The following GTF2F2 variants were observed in gnomAD, a reference collection of about 807,000 sequenced individuals.
GTF2F2 encodes general transcription factor IIF subunit 2, also known as ATP-dependent helicase GTF2F2.
In GTF2F2, 23 loss-of-function variants were observed where a neutral mutation model predicts 42.2. The observed-to-expected ratio is 0.55, with a 90% confidence interval of 0.39 to 0.77. The LOEUF is 0.77. GTF2F2 is among the 30% of genes least tolerant of loss of function. The pLI, the probability that GTF2F2 is intolerant of heterozygous loss-of-function variation, is 0.00. For synonymous variants in GTF2F2, 105 were observed against 100.8 expected, an observed-to-expected ratio of 1.04 and a Z score of -0.25; for missense variants, 261 against 287.2, an observed-to-expected ratio of 0.91 and a Z score of 0.66.
At position 45,220,349 on chromosome 13, in the gene GTF2F2, A is replaced by G. The variant is rs75086508; in HGVS notation, c.386+12844A>G. Among the ~76,000 whole-genome samples, 230 of 152,346 alleles carry G rather than the reference A, an allele frequency of 1.5e-3. 7 individuals are homozygous for G. The East Asian group carries it at 0.039, about 26-fold the overall frequency. On this transcript the variant is annotated intron_variant, in intron 5 of 7. Coordinates refer to ENST00000340473, the MANE Select transcript of GTF2F2 (RefSeq NM_004128.3). Reference sequence around the variant, plus strand: ...AGTGTATACTAAGCAGTGTAACATTAAAAAGCAACCAGATCTTATGTTTCT... The same window carrying G: ...AGTGTATACTAAGCAGTGTAACATTGAAAAGCAACCAGATCTTATGTTTCT...
chr13:45,249,379 T>TA (rs5803289), intron 5 of GTF2F2, among the ~76,000 whole-genome samples: 45,651 of 151,154 alleles, frequency 0.3, 9,118 homozygotes, highest in African/African-American at 0.56. Context: ...AGTTTATTTT[T>TA]AAAAAAAAAA....
chr13:45,187,496 GAGA>G (rs1451981739), intron 4 of GTF2F2, among the ~76,000 whole-genome samples: 6 of 152,176 alleles, frequency 3.9e-5, no homozygotes, highest in South Asian at 2.1e-4. Flanking sequence ...TATTTTTTAA[GAGA>G]AGAAGTAGAA....
chr13:45,247,389 T>C (rs1266872557), intron 5 of GTF2F2, among the ~76,000 whole-genome samples: 1 of 151,446 alleles, frequency 6.6e-6, no homozygotes, highest in South Asian at 2.1e-4. Context: ...AGATACCTGG[T>C]TTTTTTGTTT....
At chr13:45,223,056 C>T (rs974708869) in intron 5 of GTF2F2, among the ~76,000 whole-genome samples, 3 of 151,982 alleles carry the variant, frequency 2.0e-5, no homozygotes, top group Admixed American at 1.3e-4. Context: ...GACTTCATCT[C>T]TATAAAAACC....
Position 45,248,153 on chromosome 13 carries a change from A to T in GTF2F2, c.387-4718A>T, listed in dbSNP as rs534184954. On this transcript the variant is annotated intron_variant, in intron 5 of 7. Coordinates refer to ENST00000340473, the MANE Select transcript of GTF2F2 (RefSeq NM_004128.3). Reference sequence around the variant, plus strand: ...CCACCGTGCCTGGCCTGATTTTTTTAAATAAATGGAGTTTTATTTCATTAG... The same window carrying T: ...CCACCGTGCCTGGCCTGATTTTTTTTAATAAATGGAGTTTTATTTCATTAG... Among the ~76,000 whole-genome samples, 7 of 152,274 alleles carry T rather than the reference A, an allele frequency of 4.6e-5. No homozygotes were observed. The South Asian group carries it at 6.2e-4, about 14-fold the overall frequency.
chr13:45,273,934 A>G (rs534006511), intron 7 of GTF2F2, among the ~76,000 whole-genome samples: 28 of 152,300 alleles, frequency 1.8e-4, no homozygotes, highest in Admixed American at 4.6e-4. Context: ...TCCCTCGGGA[A>G]AGAAATAATT....
At chr13:45,145,616 C>T (rs1870152565) in intron 2 of GTF2F2, among the ~76,000 whole-genome samples, 1 of 152,240 alleles carries the variant, frequency 6.6e-6, no homozygotes. Context: ...TAAAATACCA[C>T]ATACTTTGTT....
intron 7 of GTF2F2, among the ~76,000 whole-genome samples, chr13:45,271,664 G>T (rs535794453): frequency 6.6e-6 from 1 of 152,032 alleles, no homozygotes; most frequent in Admixed American, 6.6e-5. Context: ...AAATTCTCCT[G>T]CCTCAGCCCC....
At chr13:45,202,301 C>T (rs1328897307) in intron 4 of GTF2F2, among the ~76,000 whole-genome samples, 4 of 152,132 alleles carry the variant, frequency 2.6e-5, no homozygotes, top group Non-Finnish European at 5.9e-5. Context: ...GCAGGAGAAT[C>T]GCTTGAACCC....
intron 4 of GTF2F2, among the ~76,000 whole-genome samples, chr13:45,155,585 T>C (rs990682591): frequency 2.0e-4 from 30 of 152,232 alleles, no homozygotes; most frequent in African/African-American, 6.8e-4. Flanking sequence ...AATGATTAAG[T>C]TATACAGTGT....
chr13:45,197,239 G>A (rs1022232622), intron 4 of GTF2F2, among the ~76,000 whole-genome samples: 1 of 151,454 alleles, frequency 6.6e-6, no homozygotes, highest in South Asian at 2.1e-4. Flanking sequence ...GCTTATGCCT[G>A]TAATCCCAGC....
intron 4 of GTF2F2, among the ~76,000 whole-genome samples, chr13:45,158,561 A>T (rs1870879863): frequency 6.6e-6 from 1 of 152,126 alleles, no homozygotes; most frequent in South Asian, 2.1e-4. Context: ...TTTCCTGCAC[A>T]GTGACCTCTG....
intron 4 of GTF2F2, among the ~76,000 whole-genome samples, chr13:45,191,224 A>AAAAAAAAAAAAT: frequency 4.0e-5 from 3 of 75,346 alleles, no homozygotes; most frequent in African/African-American, 1.0e-4. Flanking sequence ...ACAAAAAAAA[A>AAAAAAAAAAAAT]ATATATATAT....
At chr13:45,155,484 G>A (rs1259754710) in intron 4 of GTF2F2, among the ~76,000 whole-genome samples, 2 of 152,102 alleles carry the variant, frequency 1.3e-5, no homozygotes, top group Non-Finnish European at 1.5e-5. Context: ...TGATTTTGCT[G>A]GTTTTTGAGA....
At chr13:45,169,732 G>A (rs572953122) in intron 4 of GTF2F2, among the ~76,000 whole-genome samples, 1 of 152,186 alleles carries the variant, frequency 6.6e-6, no homozygotes, top group African/African-American at 2.4e-5. Flanking sequence ...CCACCACTCA[G>A]GTAACAAAAG....
At chr13:45,273,066 C>T (rs1192803124) in intron 7 of GTF2F2, among the ~76,000 whole-genome samples, 1 of 151,208 alleles carries the variant, frequency 6.6e-6, no homozygotes, top group East Asian at 2.0e-4. Flanking sequence ...GCTGGAATTA[C>T]GGGCGCCCGC....
intron 4 of GTF2F2, among the ~76,000 whole-genome samples, chr13:45,164,992 T>C (rs1472040246): frequency 1.3e-5 from 2 of 152,176 alleles, no homozygotes; most frequent in African/African-American, 4.8e-5. Flanking sequence ...AGATACACAA[T>C]GTTTACATCT....
chr13:45,205,108 G>A (rs1237245926), intron 4 of GTF2F2, among the ~76,000 whole-genome samples: 1 of 152,208 alleles, frequency 6.6e-6, no homozygotes, highest in Non-Finnish European at 1.5e-5. Context: ...TTAGTAAAAG[G>A]TAGCTATATT....
At chr13:45,257,150 A>C (rs1378699243) in intron 6 of GTF2F2, among the ~76,000 whole-genome samples, 2 of 152,204 alleles carry the variant, frequency 1.3e-5, no homozygotes, top group Non-Finnish European at 2.9e-5. Context: ...TTATCTTTTT[A>C]GTTCACAAAC....
Sources: gnomAD v4.1 joint callset for allele counts (sites outside exome capture counted in the v4.1 genomes callset) on GRCh38, gnomAD v4.1.1 for gene constraint, MANE v1.5 for transcripts, NCBI Gene and HGNC (gene_info 2026-07-23, HGNC 2026-07-21) for gene names.